Variants in RSRP1 observed in about 807,000 individuals in gnomAD.
RSRP1 encodes the protein arginine and serine rich protein 1.
Under a neutral mutation model 33.0 loss-of-function variants are expected in RSRP1, and 37 were observed. The observed-to-expected ratio is 1.12, with a 90% CI of 0.86 to 1.48. The LOEUF (loss-of-function observed/expected upper bound fraction) is 1.48, where lower values mean the gene tolerates loss of function less well. Ranked by LOEUF, RSRP1 falls within the 40% of genes most tolerant of loss-of-function variation. The pLI is 0.00. For missense variants in RSRP1, 402 were observed against 385.3 expected (o/e 1.04, Z -0.36); for synonymous variants, 167 against 158.7 (o/e 1.05, Z -0.40).
In RSRP1 at chr1:25,313,319, C is replaced by G. The variant is rs546175525; in HGVS notation, c.-67+24659G>C. 3.0e-5 allele frequency among the ~76,000 whole-genome samples: 4 copies of G among 132,302 alleles called. 1 individual carries two copies. Among genetic ancestry groups the G allele is most frequent in the African/African-American group, 7.7e-5 (3 of 38,862 alleles). 86.8% of individuals were successfully genotyped at this position (132,302 alleles called of 152,430 possible). On this transcript the variant is annotated intron_variant, in intron 1 of 1. Transcript: ENST00000561867. Reference sequence around the variant, plus strand: ...ACTTCCCAGCCTCCAGAACCATGAGCTATATATACTTATTTTACAAATTAC... The same window carrying G: ...ACTTCCCAGCCTCCAGAACCATGAGGTATATATACTTATTTTACAAATTAC...
At position 25,243,673 on chromosome 1, in the gene RSRP1, C is replaced by T. The variant is rs767456463; in HGVS notation, c.673-40G>A. On this transcript the variant is annotated intron_variant, in intron 3 of 4. Coordinates refer to ENST00000243189, the MANE Select transcript of RSRP1 (RefSeq NM_020317.5). ...AAAAAGTGTAATTTTAAAACACATACCCTTGGTTTCTAAATCCTATATTAA... is the reference window on the plus strand; with the variant it reads ...AAAAAGTGTAATTTTAAAACACATATCCTTGGTTTCTAAATCCTATATTAA... 3.1e-6 allele frequency: 5 copies of T among 1,606,218 alleles called. No homozygotes were observed. The South Asian group carries it at 3.3e-5, about 11-fold the overall frequency.
At chr1:25,272,407 G>T in intron 1 of RSRP1, 2 of 1,202,808 alleles carry the variant, frequency 1.7e-6, no homozygotes, top group Non-Finnish European at 1.2e-6. Flanking sequence ...CCATAGAGAG[G>T]CCAGCACAAC....
chr1:25,259,825 C>T (rs1296417606), intron 1 of RSRP1, among the ~76,000 whole-genome samples: 1 of 151,918 alleles, frequency 6.6e-6, no homozygotes, highest in East Asian at 1.9e-4. Context: ...TTTTGAATAC[C>T]ATTTGGCGTT....
In RSRP1 at chr1:25,246,823, G is replaced by C. The variant is rs1282944953; in HGVS notation, c.141C>G (p.Ser47=). ...TGGACGAAAACCGGCTCGAGACGCG[G>C]GAATGGGACCGAGAGCTTCTGGAAA... ...RSFSRSSRSH[S]RVSSRFSSRS... Residue 47 remains serine (S), a synonymous_variant, in exon 2 of 5, where the codon TCC becomes TCG. Coordinates refer to ENST00000243189, the MANE Select transcript of RSRP1 (RefSeq NM_020317.5). 2.5e-6 allele frequency: 4 copies of C among 1,613,468 alleles called. No individual in the cohort carries two copies. In the South Asian group the frequency reaches 3.3e-5, roughly 13 times the overall value.
rs535153489 is a variant in RSRP1, at chr1:25,322,116, T to A, written c.-67+15862A>T. 3.8e-5 allele frequency among the ~76,000 whole-genome samples: 5 copies of A among 131,090 alleles called. 2 individuals carry two copies. The highest frequency in any genetic ancestry group is 1.5e-4 in the Admixed American group (2 of 13,400). The allele number at this position is 131,090 out of a possible 152,430, so 86.0% of individuals were successfully genotyped here. On this transcript the variant is annotated intron_variant, in intron 1 of 1. Coordinates refer to the RSRP1 transcript ENST00000561867. ...AGGAACTAGAGGAGAAACAAATCCATGATATGCATGTGTGTGGGGGAGGGT... is the reference window on the plus strand; with the variant it reads ...AGGAACTAGAGGAGAAACAAATCCAAGATATGCATGTGTGTGGGGGAGGGT...
At chr1:25,250,394 C>T (rs1357372580), upstream of RSRP1, among the ~76,000 whole-genome samples, 2 of 152,106 alleles carry the variant, frequency 1.3e-5, no homozygotes, top group Admixed American at 6.5e-5. Flanking sequence ...GGAGTCTGTC[C>T]GGCTCTGTCT....
rs1641980141 is a variant in RSRP1, at chr1:25,286,242, AC to A, written c.-66-39214del. The stretch of plus-strand genomic sequence containing the variant: ...GGTGGTTCACACCTGTAATCCCAGT[AC>A]TTTTGGGAACCGAGGTGGGCAGATC... On this transcript the variant is annotated intron_variant, in intron 1 of 1. Coordinates refer to the RSRP1 transcript ENST00000561867. 1.5e-5 allele frequency among the ~76,000 whole-genome samples: 2 copies of A among 135,406 alleles called. 1 individual carries two copies. The allele number at this position is 135,406 out of a possible 152,430, so 88.8% of individuals were successfully genotyped here.
chr1:25,295,849 A>AGTTT (rs1557534285), intron 1 of RSRP1, among the ~76,000 whole-genome samples: 3 of 33,730 alleles, frequency 8.9e-5, no homozygotes, highest in East Asian at 9.8e-4. Context: ...GAATATGGGA[A>AGTTT]ATTTTTTTTT....
At chr1:25,315,182 G>A (rs543308394) in intron 1 of RSRP1, among the ~76,000 whole-genome samples, 1 of 130,224 alleles carries the variant, frequency 7.7e-6, no homozygotes, top group African/African-American at 2.6e-5. Flanking sequence ...GCAAGGTCAT[G>A]CATATGTCCC....
chr1:25,322,366 CAT>C (rs1644758655), intron 1 of RSRP1, among the ~76,000 whole-genome samples: 1 of 132,876 alleles, frequency 7.5e-6, no homozygotes, highest in African/African-American at 2.6e-5. Context: ...AGAGTGGAGA[CAT>C]GACTTATCAA....
At chr1:25,332,041 ATTT>A (rs1270998323) in intron 1 of RSRP1, among the ~76,000 whole-genome samples, 3 of 94,796 alleles carry the variant, frequency 3.2e-5, no homozygotes, top group East Asian at 5.0e-4. Context: ...CGCCCAGCAG[ATTT>A]TTTTTTTTTT....
rs1229555278 is a variant in RSRP1, at chr1:25,321,901, A to G, written c.-67+16077T>C. ...TGCATTTAAACAGGTTTGCTCCTAA[A>G]TCTTAAAATATGGAAAGCACCTCAT... On this transcript the variant is annotated intron_variant, in intron 1 of 1. Coordinates refer to the RSRP1 transcript ENST00000561867. The G allele has an allele frequency of 3.0e-6, 4 of 1,313,464 alleles. 2 individuals are homozygous for G. Among genetic ancestry groups the G allele is most frequent in the Non-Finnish European group, 4.3e-6 (4 of 920,522 alleles). The allele number at this position is 1,313,464 out of a possible 1,614,324, so 81.4% of individuals were successfully genotyped here.
chr1:25,277,684 C>T (rs1167396092), intron 1 of RSRP1, among the ~76,000 whole-genome samples: 1 of 126,114 alleles, frequency 7.9e-6, no homozygotes, highest in African/African-American at 2.7e-5. Flanking sequence ...TTATCAAAAG[C>T]TTTTTTTTTG....
rs1357277358 is a variant in RSRP1 at position 25,279,289 on chromosome 1, C to T, written c.-66-32260G>A. On this transcript the variant is annotated intron_variant, in intron 1 of 1. Transcript: ENST00000561867. ...TGCTGGGCGAAGTGACTTGCATGAGCCAGCGAGCTCAATGCTCATGGCAAT... is the reference window on the plus strand; with the variant it reads ...TGCTGGGCGAAGTGACTTGCATGAGTCAGCGAGCTCAATGCTCATGGCAAT... Among the ~76,000 whole-genome samples the T allele has an allele frequency of 2.3e-5, 3 of 128,260 alleles. 1 individual carries two copies. In the East Asian group the frequency reaches 5.9e-4, roughly 25 times the overall value. 84.1% of individuals were successfully genotyped at this position (128,260 alleles called of 152,430 possible).
chr1:25,303,007 C>G (rs185658016), intron 1 of RSRP1, among the ~76,000 whole-genome samples: 1 of 130,862 alleles, frequency 7.6e-6, no homozygotes, highest in East Asian at 2.0e-4. Context: ...CCATTCTTCC[C>G]GCTGCCCAGG....
chr1:25,308,328 AG>A (rs1255797169), intron 1 of RSRP1, among the ~76,000 whole-genome samples: 1 of 110,780 alleles, frequency 9.0e-6, no homozygotes, highest in Non-Finnish European at 2.1e-5. Flanking sequence ...TAGAAATGCA[AG>A]CCCTACCTAC....
upstream of RSRP1, chr1:25,247,688 C>G (rs1338079364): frequency 1.3e-5 from 2 of 152,272 alleles, no homozygotes; most frequent in African/African-American, 4.8e-5. Context: ...TGGCTTCCCC[C>G]CTGATCTGAG....
At chr1:25,245,990 CCCGCCTCCGCCT>C (rs373067870) in intron 2 of RSRP1, 28 of 160,794 alleles carry the variant, frequency 1.7e-4, no homozygotes, top group Admixed American at 7.2e-4. Flanking sequence ...AAGTGACCCA[CCCGCCTCCGCCT>C]CCGCCTCCCC....
intron 1 of RSRP1, among the ~76,000 whole-genome samples, chr1:25,261,079 C>T (rs1640124569): frequency 6.6e-6 from 1 of 152,090 alleles, no homozygotes; most frequent in African/African-American, 2.4e-5. Flanking sequence ...GGATTACAGG[C>T]GTGAGCCACC....
Sources: gnomAD v4.1 joint callset for allele counts (sites outside exome capture counted in the v4.1 genomes callset) on GRCh38, gnomAD v4.1.1 for gene constraint, MANE v1.5 for transcripts, NCBI Gene and HGNC (gene_info 2026-07-23, HGNC 2026-07-21) for gene names.